Variants in RBL1 observed in about 807,000 individuals in gnomAD.
The protein encoded by RBL1 is retinoblastoma-like protein 1.
Under a neutral mutation model 123.0 loss-of-function variants are expected in RBL1, and 82 were observed. The observed-to-expected ratio is 0.67, with a 90% CI of 0.56 to 0.80. The LOEUF is 0.80. Among genes scored for constraint, RBL1 ranks in the 30% least tolerant of loss-of-function variants. RBL1 has a pLI of 0.00. For synonymous variants in RBL1, 405 were observed against 441.3 expected, an observed-to-expected ratio of 0.92 and a Z score of 1.03; for missense variants, 1,171 against 1,299.6, an observed-to-expected ratio of 0.90 and a Z score of 1.52.
chr20:37,022,843 C>A lies in RBL1; in HGVS notation c.2383-17G>T. 1 of 1,573,550 alleles carries A rather than the reference C, an allele frequency of 6.4e-7. No homozygotes were observed. Among genetic ancestry groups the A allele is most frequent in the Non-Finnish European group, 8.7e-7 (1 of 1,155,094 alleles). On this transcript the variant is annotated splice_polypyrimidine_tract_variant and intron_variant, in intron 16 of 21. Coordinates refer to ENST00000373664, the MANE Select transcript of RBL1 (RefSeq NM_002895.5). The stretch of plus-strand genomic sequence containing the variant: ...ATGATAGACCTAAAATAGAAGGTAA[C>A]ACATTGATGCAAAACACCAAGTAAA...
intron 9 of RBL1, among the ~76,000 whole-genome samples, chr20:37,059,328 T>C (rs2065059298): frequency 6.6e-6 from 1 of 152,204 alleles, no homozygotes; most frequent in Non-Finnish European, 1.5e-5. Context: ...ATGTTCAGCT[T>C]TTCTTGGAGG....
chr20:37,046,351 A>G (rs2146269935), intron 12 of RBL1, among the ~76,000 whole-genome samples: 1 of 152,274 alleles, frequency 6.6e-6, no homozygotes, highest in South Asian at 2.1e-4. Flanking sequence ...TAACAAAGGA[A>G]CTGAAGCTGT....
chr20:37,039,605 G>A (rs920220434), intron 14 of RBL1, among the ~76,000 whole-genome samples: 7 of 152,266 alleles, frequency 4.6e-5, no homozygotes, highest in South Asian at 2.1e-4. Context: ...CACCATGATC[G>A]TGAGGCCTCC....
chr20:37,035,615 G>T, intron 14 of RBL1, 107 bp from the exon 15 acceptor site: 1 of 976,644 alleles, frequency 1.0e-6, no homozygotes, highest in Non-Finnish European at 1.5e-6. Context: ...GCACTAGCTA[G>T]ATATGAATAA....
rs979442840 is a variant in RBL1 at position 37,095,890 on chromosome 20, C to T, written c.39G>A (p.Val13=). 2 of 1,602,492 alleles carry T rather than the reference C, an allele frequency of 1.2e-6. No individual in the cohort carries two copies. The highest frequency in any genetic ancestry group is 1.7e-6 in the Non-Finnish European group (2 of 1,175,356). Reference sequence around the variant, plus strand: ...GTAGCGCCTCCCCGGCTGCGGCGACCACCGCCGCCCCCTCAGCGTGGGGCT... The same window carrying T: ...GTAGCGCCTCCCCGGCTGCGGCGACTACCGCCGCCCCCTCAGCGTGGGGCT... ...EDKPHAEGAA[V]VAAAGEALQA... The change falls in exon 1 of 22, where the codon GTG becomes GTA. Residue 13 remains valine (V), a synonymous_variant. Coordinates refer to ENST00000373664, the MANE Select transcript of RBL1 (RefSeq NM_002895.5).
Position 37,055,647 on chromosome 20 carries a change from A to G in RBL1, c.1373T>C (p.Val458Ala). 6.2e-7 allele frequency: 1 copy of G among 1,610,670 alleles called. No individual in the cohort carries two copies. The highest frequency in any genetic ancestry group is 8.5e-7 in the Non-Finnish European group (1 of 1,178,716). ...EQPGSHIDFA[V>A]NRLKLAEILY... ...AATTTCTGCCAGCTTTAGTCTGTTT[A>G]CAGCAAAGTCTATCAGGGAAATACA... The change falls in exon 11 of 22, where the codon GTA (valine) becomes GCA (alanine). Residue 458 changes from valine to alanine, a missense_variant. Val to Ala is a moderately conservative substitution (Grantham distance 64). Coordinates refer to ENST00000373664, the MANE Select transcript of RBL1 (RefSeq NM_002895.5).
intron 1 of RBL1, among the ~76,000 whole-genome samples, chr20:37,093,302 G>A (rs974753267): frequency 6.6e-6 from 1 of 151,784 alleles, no homozygotes. Flanking sequence ...AATAAACACT[G>A]GATAGAATAA....
intron 3 of RBL1, 67 bp from the exon 4 acceptor site, chr20:37,067,364 A>G: frequency 8.6e-7 from 1 of 1,157,698 alleles, no homozygotes; most frequent in Non-Finnish European, 1.2e-6. Context: ...CTGAAATAGT[A>G]AATGTAAATA....
At chr20:37,061,991 A>G in intron 8 of RBL1, 93 bp downstream of exon 8, 1 of 1,335,608 alleles carries the variant, frequency 7.5e-7, no homozygotes, top group Non-Finnish European at 1.0e-6. Flanking sequence ...AAGAAGCTCA[A>G]GATTTAACTT....
chr20:37,083,515 G>A (rs962094110), intron 2 of RBL1, among the ~76,000 whole-genome samples: 1 of 150,580 alleles, frequency 6.6e-6, no homozygotes, highest in Non-Finnish European at 1.5e-5. Flanking sequence ...GGCTGGGCGC[G>A]GTGGCTCACA....
chr20:37,045,724 G>A (rs779645839), intron 12 of RBL1, among the ~76,000 whole-genome samples: 1 of 152,176 alleles, frequency 6.6e-6, no homozygotes, highest in Non-Finnish European at 1.5e-5. Flanking sequence ...ATTAAAGTGA[G>A]TGTATAGTAG....
chr20:37,060,793 CA>C (rs1476887299), intron 9 of RBL1, among the ~76,000 whole-genome samples: 2 of 147,526 alleles, frequency 1.4e-5, no homozygotes, highest in African/African-American at 2.5e-5. Context: ...AAAAAAAAAA[CA>C]AAAAAAAAGG....
At chr20:37,075,309 C>CA (rs2065346778) in intron 2 of RBL1, among the ~76,000 whole-genome samples, 1 of 151,868 alleles carries the variant, frequency 6.6e-6, no homozygotes, top group Non-Finnish European at 1.5e-5. Context: ...TGTGAAAATA[C>CA]AAAAAACCAT....
At chr20:37,084,927 G>T (rs530118963) in intron 2 of RBL1, among the ~76,000 whole-genome samples, 2 of 151,614 alleles carry the variant, frequency 1.3e-5, no homozygotes, top group African/African-American at 4.8e-5. Context: ...CACCATGCCC[G>T]ACTAATTTTT....
intron 2 of RBL1, among the ~76,000 whole-genome samples, chr20:37,070,663 A>G (rs2065269637): frequency 6.6e-6 from 1 of 152,092 alleles, no homozygotes. Context: ...AAAAGTAAAG[A>G]AGGTAGCACA....
intron 19 of RBL1, among the ~76,000 whole-genome samples, chr20:37,016,010 C>T (rs1482797791): frequency 7.4e-5 from 11 of 148,390 alleles, no homozygotes; most frequent in Admixed American, 2.0e-4. Flanking sequence ...CGTGAGCCAC[C>T]GTGCCCAGCG....
At chr20:37,016,883 C>CAGAAA (rs142828607) in intron 19 of RBL1, among the ~76,000 whole-genome samples, 16,390 of 122,218 alleles carry the variant, frequency 0.13, 1,033 homozygotes, top group Middle Eastern at 0.18. Flanking sequence ...GATCCTGTCT[C>CAGAAA]AGAAAAGAAA....
At chr20:37,086,498 C>T (rs1224351393) in intron 2 of RBL1, among the ~76,000 whole-genome samples, 4 of 151,808 alleles carry the variant, frequency 2.6e-5, no homozygotes, top group Non-Finnish European at 4.4e-5. Context: ...TGAGATCAGG[C>T]CATTGCACTC....
chr20:37,083,212 A>C (rs1220499914), intron 2 of RBL1, among the ~76,000 whole-genome samples: 1 of 152,088 alleles, frequency 6.6e-6, no homozygotes, highest in Non-Finnish European at 1.5e-5. Flanking sequence ...TCATGCCTGT[A>C]ATCTTAGCAC....
Sources: allele counts gnomAD v4.1 joint callset (sites outside exome capture counted in the v4.1 genomes callset), GRCh38; gene constraint gnomAD v4.1.1; transcripts MANE v1.5; gene names NCBI Gene and HGNC (gene_info 2026-07-23, HGNC 2026-07-21).